Variants in KCND2 observed in about 807,000 individuals in gnomAD.
KCND2 encodes the protein potassium voltage-gated channel subfamily D member 2.
A neutral mutation model predicts 54.4 loss-of-function variants in KCND2; 16 were observed. The observed-to-expected ratio is 0.29, with a 90% confidence interval of 0.20 to 0.45. The LOEUF is 0.45. Among genes scored for constraint, KCND2 ranks in the 20% least tolerant of loss-of-function variants. KCND2 has a pLI of 1.00. For missense variants in KCND2, 486 were observed against 824.2 expected (o/e 0.59, Z 5.02); for synonymous variants, 317 against 310.7 (o/e 1.02, Z -0.21).
At position 120,551,179 on chromosome 7, in the gene KCND2, A is replaced by C. The variant is rs1792100938; in HGVS notation, c.1116-181724A>C. Among the ~76,000 whole-genome samples, 3 of 152,314 alleles carry C rather than the reference A, an allele frequency of 2.0e-5. No individual in the cohort carries two copies. The South Asian group carries it at 6.2e-4, about 32-fold the overall frequency. ...AAGGGAATAGAATAGTTACTTGAAA[A>C]TATTTGAACAATTTAAGAAAAAAAT... On this transcript the variant is annotated intron_variant, in intron 1 of 5. Transcript: ENST00000331113.
intron 1 of KCND2, among the ~76,000 whole-genome samples, chr7:120,383,188 T>C (rs1584755701): frequency 6.6e-6 from 1 of 152,012 alleles, no homozygotes; most frequent in East Asian, 1.9e-4. Flanking sequence ...GGATGCAGAA[T>C]GCATTATTTA....
intron 1 of KCND2, among the ~76,000 whole-genome samples, chr7:120,281,373 T>G (rs1799259689): frequency 6.6e-6 from 1 of 150,644 alleles, no homozygotes; most frequent in Non-Finnish European, 1.5e-5. Flanking sequence ...TAAGCATTGC[T>G]CTCCCACTAG....
chr7:120,341,534 A>G (rs558236958), intron 1 of KCND2, among the ~76,000 whole-genome samples: 8 of 152,262 alleles, frequency 5.3e-5, no homozygotes, highest in African/African-American at 1.9e-4. Flanking sequence ...TTGGGATACT[A>G]GAGCAAATGA....
chr7:120,342,626 G>C (rs1800256761), intron 1 of KCND2, among the ~76,000 whole-genome samples: 1 of 152,062 alleles, frequency 6.6e-6, no homozygotes. Flanking sequence ...TGCTTTTGTA[G>C]TAAATACTAA....
At chr7:120,483,610 G>A (rs1453104998) in intron 1 of KCND2, among the ~76,000 whole-genome samples, 1 of 152,166 alleles carries the variant, frequency 6.6e-6, no homozygotes, top group Admixed American at 6.6e-5. Context: ...CGAAGTGAGA[G>A]GAGGAAAATC....
At chr7:120,612,709 A>G (rs1182588764) in intron 1 of KCND2, among the ~76,000 whole-genome samples, 2 of 152,246 alleles carry the variant, frequency 1.3e-5, no homozygotes, top group African/African-American at 2.4e-5. Flanking sequence ...TCCTAAAACA[A>G]TAAAGCACTT....
intron 1 of KCND2, among the ~76,000 whole-genome samples, chr7:120,647,039 C>A (rs1033979921): frequency 1.3e-5 from 2 of 152,128 alleles, no homozygotes; most frequent in African/African-American, 4.8e-5. Context: ...GAAAGTATTT[C>A]TTTTACCTGA....
At chr7:120,357,063 C>T (rs1800517037) in intron 1 of KCND2, among the ~76,000 whole-genome samples, 1 of 152,100 alleles carries the variant, frequency 6.6e-6, no homozygotes. Context: ...TGAGCTCCTT[C>T]AGATCTCTTG....
chr7:120,565,347 T>G (rs2116417146), intron 1 of KCND2, among the ~76,000 whole-genome samples: 1 of 152,314 alleles, frequency 6.6e-6, no homozygotes, highest in East Asian at 1.9e-4. Flanking sequence ...GTATCTTATG[T>G]AATGTAGTCT....
At chr7:120,292,881 ACCT>A in intron 1 of KCND2, among the ~76,000 whole-genome samples, 1 of 151,280 alleles carries the variant, frequency 6.6e-6, no homozygotes, top group East Asian at 1.9e-4. Context: ...TGATTTCTTG[ACCT>A]CCTTATTGCC....
At chr7:120,284,198 C>A (rs1017223034) in intron 1 of KCND2, among the ~76,000 whole-genome samples, 25 of 152,074 alleles carry the variant, frequency 1.6e-4, no homozygotes, top group Admixed American at 1.6e-3. Flanking sequence ...CATTTGCCCT[C>A]TAGATAACTC....
intron 1 of KCND2, among the ~76,000 whole-genome samples, chr7:120,660,454 C>G (rs945896212): frequency 5.9e-5 from 9 of 152,106 alleles, no homozygotes; most frequent in Admixed American, 2.6e-4. Flanking sequence ...ATATTATTAC[C>G]TCCTATTTCT....
At chr7:120,319,505 G>A (rs1307758238) in intron 1 of KCND2, among the ~76,000 whole-genome samples, 1 of 152,022 alleles carries the variant, frequency 6.6e-6, no homozygotes, top group Non-Finnish European at 1.5e-5. Context: ...TATTGGTTAT[G>A]AAAAGGAAGG....
At chr7:120,345,528 AAGCAAC>A (rs1309517166) in intron 1 of KCND2, among the ~76,000 whole-genome samples, 1 of 152,128 alleles carries the variant, frequency 6.6e-6, no homozygotes, top group African/African-American at 2.4e-5. Flanking sequence ...TGTACCTATT[AAGCAAC>A]AGCATCCCGT....
intron 1 of KCND2, among the ~76,000 whole-genome samples, chr7:120,392,453 T>C (rs891186697): frequency 1.3e-5 from 2 of 151,164 alleles, no homozygotes; most frequent in African/African-American, 4.8e-5. Context: ...TTTTTTTTAG[T>C]TCTGTGATGA....
chr7:120,429,706 C>T (rs562389350), intron 1 of KCND2, among the ~76,000 whole-genome samples: 1 of 152,146 alleles, frequency 6.6e-6, no homozygotes, highest in African/African-American at 2.4e-5. Context: ...TAAGATGAAC[C>T]TCTCACTTCA....
At chr7:120,580,763 T>TA (rs927931073) in intron 1 of KCND2, among the ~76,000 whole-genome samples, 17 of 150,944 alleles carry the variant, frequency 1.1e-4, no homozygotes, top group East Asian at 1.9e-4. Context: ...AGTTGGAATC[T>TA]AAAAAAAAAG....
chr7:120,734,921 T>C (rs1047269226), intron 2 of KCND2, among the ~76,000 whole-genome samples: 4 of 152,036 alleles, frequency 2.6e-5, no homozygotes, highest in African/African-American at 9.7e-5. Context: ...GCCTCTTAAG[T>C]AAAGTATACA....
At chr7:120,451,409 A>G (rs948595561) in intron 1 of KCND2, among the ~76,000 whole-genome samples, 6 of 152,334 alleles carry the variant, frequency 3.9e-5, no homozygotes, top group Non-Finnish European at 7.3e-5. Context: ...TGAGAAATCA[A>G]TAAGGCCATG....
Sources: allele counts gnomAD v4.1 joint callset (sites outside exome capture counted in the v4.1 genomes callset), GRCh38; gene constraint gnomAD v4.1.1; transcripts MANE v1.5; gene names NCBI Gene and HGNC (gene_info 2026-07-23, HGNC 2026-07-21).